TRPC5: variants seen among roughly 807,000 people sequenced by gnomAD.
The protein encoded by TRPC5 is short transient receptor potential channel 5.
In TRPC5, 9 loss-of-function variants were observed where a neutral mutation model predicts 56.5. The observed-to-expected ratio is 0.16, with a 90% CI of 0.10 to 0.28. The LOEUF is 0.28. Ranked by LOEUF, TRPC5 falls within the 10% of genes least tolerant of loss-of-function variation. The probability of loss-of-function intolerance (pLI) is 1.00; values close to 1 mark genes in which losing one functional copy is unlikely to be tolerated. For synonymous variants in TRPC5, 282 were observed against 278.5 expected, an observed-to-expected ratio of 1.01 and a Z score of -0.13; for missense variants, 469 against 748.9, an observed-to-expected ratio of 0.63 and a Z score of 4.36.
intron 1 of TRPC5, among the ~76,000 whole-genome samples, chrX:111,967,901 A>T (rs1603122687): frequency 9.0e-6 from 1 of 111,540 alleles, no homozygotes; most frequent in East Asian, 2.8e-4. Flanking sequence ...ACCATTCAGG[A>T]CATAGGCATG....
chrX:112,029,072 G>A (rs1173525404), intron 1 of TRPC5, among the ~76,000 whole-genome samples: 1 of 111,916 alleles, frequency 8.9e-6, no homozygotes, highest in Non-Finnish European at 1.9e-5. Context: ...CTATCACATA[G>A]TAGGTCTTAC....
chrX:111,882,625 A>T (rs148041831), intron 3 of TRPC5, among the ~76,000 whole-genome samples: 20 of 113,130 alleles, frequency 1.8e-4, no homozygotes, highest in East Asian at 1.7e-3. Context: ...CTAGCCATGA[A>T]CTTGGCCAAG....
chrX:111,833,767 A>C (rs1384679630), intron 7 of TRPC5, among the ~76,000 whole-genome samples: 2 of 111,244 alleles, frequency 1.8e-5, no homozygotes, highest in African/African-American at 6.5e-5. Context: ...ATGCACATAC[A>C]CATATACATA....
intron 2 of TRPC5, among the ~76,000 whole-genome samples, chrX:111,934,413 A>G: frequency 9.0e-6 from 1 of 111,176 alleles, no homozygotes; most frequent in Middle Eastern, 4.7e-3. Flanking sequence ...ATGCATAATA[A>G]TCATATCAGG....
At chrX:111,855,781 A>G (rs1309135078) in intron 3 of TRPC5, among the ~76,000 whole-genome samples, 1 of 112,293 alleles carries the variant, frequency 8.9e-6, no homozygotes, top group Non-Finnish European at 1.9e-5. Context: ...GATGAAGTCC[A>G]AGAAAATACA....
At chrX:112,065,879 A>G (rs1569530496) in intron 1 of TRPC5, among the ~76,000 whole-genome samples, 2 of 94,683 alleles carry the variant, frequency 2.1e-5, no homozygotes, top group Non-Finnish European at 3.9e-5. Context: ...TCCAAAAAGA[A>G]AAAAAAAAAA....
In TRPC5 at chrX:111,912,619, C is replaced by T. The variant is rs1390654922; in HGVS notation, c.572G>A (p.Arg191His). The change falls in exon 3 of 11, where the codon CGC becomes CAC. Residue 191 changes from arginine (R) to histidine (H), a missense_variant. This residue lies in a region of TRPC5 where 118 missense variants were observed against 167.1 expected (regional missense o/e 0.71). Transcript: ENST00000262839. ...CVSSSEVDSL[R>H]HSRSRLNIYK... ...GATGTTCAGTCGGGAGCGAGAGTGGCGCAGGCTGTCTACCTCTGAACTAGA... is the reference window on the plus strand; with the variant it reads ...GATGTTCAGTCGGGAGCGAGAGTGGTGCAGGCTGTCTACCTCTGAACTAGA... 5.8e-6 allele frequency: 7 copies of T among 1,209,211 alleles called. No individual in the cohort carries two copies. Among genetic ancestry groups the T allele is most frequent in the South Asian group, 3.5e-5 (2 of 56,692 alleles).
chrX:111,930,588 G>A (rs1199030621), intron 2 of TRPC5: 1 of 110,870 alleles, frequency 9.0e-6, no homozygotes, highest in Non-Finnish European at 1.9e-5. Context: ...GCAACACAGG[G>A]AGAATATGTC....
At chrX:112,031,929 C>T (rs1337568388) in intron 1 of TRPC5, among the ~76,000 whole-genome samples, 1 of 108,515 alleles carries the variant, frequency 9.2e-6, no homozygotes, top group African/African-American at 3.3e-5. Context: ...TATATAATCT[C>T]AAAAAACAAT....
intron 1 of TRPC5, among the ~76,000 whole-genome samples, chrX:112,054,540 C>G (rs1178039657): frequency 9.0e-6 from 1 of 110,666 alleles, no homozygotes; most frequent in East Asian, 2.9e-4. Flanking sequence ...TGGCAGTTCT[C>G]AAAACTGCCC....
At chrX:111,797,792 G>A (rs900802189) in intron 7 of TRPC5, among the ~76,000 whole-genome samples, 1 of 111,313 alleles carries the variant, frequency 9.0e-6, no homozygotes, top group Non-Finnish European at 1.9e-5. Context: ...ATTTACTACT[G>A]TGTTTTCTTT....
chrX:112,013,522 C>T (rs764013253), intron 1 of TRPC5, among the ~76,000 whole-genome samples: 4 of 111,487 alleles, frequency 3.6e-5, no homozygotes, highest in Non-Finnish European at 7.5e-5. Flanking sequence ...CTCCCTCCCT[C>T]ATCTTATAGC....
intron 3 of TRPC5, chrX:111,901,766 GC>G: frequency 1.3e-6 from 1 of 747,456 alleles, no homozygotes; most frequent in Non-Finnish European, 1.8e-6. Flanking sequence ...ACCATTGTTA[GC>G]CCCTTATACT....
intron 1 of TRPC5, among the ~76,000 whole-genome samples, chrX:111,999,531 A>AGATT (rs1928640882): frequency 8.9e-6 from 1 of 112,103 alleles, no homozygotes; most frequent in African/African-American, 3.2e-5. Flanking sequence ...ATGAGCACTT[A>AGATT]GATTGACTCC....
intron 3 of TRPC5, among the ~76,000 whole-genome samples, chrX:111,878,572 T>C (rs996502983): frequency 8.9e-6 from 1 of 111,873 alleles, no homozygotes; most frequent in African/African-American, 3.3e-5. Flanking sequence ...TGGAGACTGT[T>C]CTGTGTACTG....
chrX:112,059,742 A>G (rs1314622152), intron 1 of TRPC5, among the ~76,000 whole-genome samples: 1 of 112,317 alleles, frequency 8.9e-6, no homozygotes, highest in Non-Finnish European at 1.9e-5. Context: ...TCAGCTCTAT[A>G]GTCTCCAAAA....
chrX:111,780,534 C>T (rs1315607944), intron 9 of TRPC5, among the ~76,000 whole-genome samples: 1 of 110,492 alleles, frequency 9.1e-6, no homozygotes, highest in Non-Finnish European at 1.9e-5. Context: ...GGTCCCAGGA[C>T]CCCCCGCCCC....
chrX:111,945,850 G>T (rs1478476472), intron 2 of TRPC5, among the ~76,000 whole-genome samples: 4 of 112,185 alleles, frequency 3.6e-5, no homozygotes, highest in African/African-American at 1.3e-4. Flanking sequence ...ATAAGGGAGG[G>T]ACTCAGTGAA....
intron 1 of TRPC5, among the ~76,000 whole-genome samples, chrX:112,080,020 G>A (rs1233643003): frequency 9.0e-6 from 1 of 111,267 alleles, no homozygotes; most frequent in Non-Finnish European, 1.9e-5. Flanking sequence ...TCTGCAACCC[G>A]GTCTTTAGTA....
Sources: gnomAD v4.1 joint callset for allele counts (sites outside exome capture counted in the v4.1 genomes callset) on GRCh38, gnomAD v4.1.1 for gene constraint, gnomAD v4.1.1 regional missense constraint, MANE v1.5 for transcripts, NCBI Gene and HGNC (gene_info 2026-07-23, HGNC 2026-07-21) for gene names.